The following RALY variants were observed in gnomAD, a reference collection of about 807,000 sequenced individuals.
RALY encodes RNA-binding protein Raly.
RALY carries 15 observed loss-of-function variants against 30.7 expected under a neutral mutation model. That is an observed-to-expected ratio of 0.49 (90% CI 0.33 to 0.75). The LOEUF (loss-of-function observed/expected upper bound fraction) is 0.75. Ranked by LOEUF, RALY falls within the 30% of genes least tolerant of loss-of-function variation. The pLI, the probability that RALY is intolerant of heterozygous loss-of-function variation, is 0.02. For synonymous variants in RALY, 177 were observed against 170.8 expected (o/e 1.04, Z -0.28); for missense variants, 339 against 414.3 (o/e 0.82, Z 1.58).
chr20:34,028,411 C>G (rs1250364024), intron 1 of RALY, among the ~76,000 whole-genome samples: 1 of 151,758 alleles, frequency 6.6e-6, no homozygotes, highest in African/African-American at 2.4e-5. Flanking sequence ...ATGGTGAGTG[C>G]AGAAATGAAT....
chr20:33,999,923 C>T (rs572292532), intron 1 of RALY, among the ~76,000 whole-genome samples: 1 of 152,202 alleles, frequency 6.6e-6, no homozygotes, highest in South Asian at 2.1e-4. Context: ...CTAGCAATTA[C>T]ATTTTATGAT....
In RALY at chr20:34,075,938, C is replaced by A. The variant is rs779219192; in HGVS notation, c.442C>A (p.Pro148Thr). ...PVPRAVPVKR[P>T]RVTVPLVRRV... is the part of the protein sequence containing the mutation. ...GCCCAGGGCGGTCCCTGTGAAGCGA[C>A]CCCGGGTCACAGTCCCTTTGGTCCG... The change falls in exon 6 of 10, where the codon CCC becomes ACC. Residue 148 changes from proline (P) to threonine (T), a missense_variant. Physicochemically the swap from Pro to Thr is conservative, Grantham distance 38. Coordinates refer to ENST00000246194, the MANE Select transcript of RALY (RefSeq NM_016732.3). The A allele has an allele frequency of 4.3e-6, 7 of 1,614,214 alleles. No homozygotes were observed. Among genetic ancestry groups the A allele is most frequent in the Non-Finnish European group, 5.1e-6 (6 of 1,180,026 alleles).
chr20:34,064,632 C>G (rs972229840), intron 2 of RALY, among the ~76,000 whole-genome samples: 1 of 152,152 alleles, frequency 6.6e-6, no homozygotes, highest in East Asian at 1.9e-4. Flanking sequence ...CTCCCTACCC[C>G]CAACTCCCTT....
At chr20:34,047,717 T>C (rs1229886161) in intron 2 of RALY, among the ~76,000 whole-genome samples, 1 of 152,204 alleles carries the variant, frequency 6.6e-6, no homozygotes, top group African/African-American at 2.4e-5. Flanking sequence ...TAAAATGATG[T>C]GGTTGATATC....
In RALY at chr20:34,075,963, G is replaced by A. The variant is rs371484214; in HGVS notation, c.467G>A (p.Arg156Gln). The A allele has an allele frequency of 2.0e-5, 32 of 1,614,082 alleles. No individual in the cohort carries two copies. Among genetic ancestry groups the A allele is most frequent in the African/African-American group, 2.7e-5 (2 of 74,926 alleles). ...KRPRVTVPLV[R>Q]RVKTNVPVKL... Reference sequence around the variant, plus strand: ...CCCCGGGTCACAGTCCCTTTGGTCCGGCGTGTCAAAACTAACGTACCTGTC... The same window carrying A: ...CCCCGGGTCACAGTCCCTTTGGTCCAGCGTGTCAAAACTAACGTACCTGTC... The change falls in exon 6 of 10, where the codon CGG (arginine) becomes CAG (glutamine). Residue 156 changes from arginine to glutamine, a missense_variant. Coordinates refer to ENST00000246194, the MANE Select transcript of RALY (RefSeq NM_016732.3).
chr20:34,035,999 G>A (rs1339472086), intron 2 of RALY, among the ~76,000 whole-genome samples: 1 of 152,150 alleles, frequency 6.6e-6, no homozygotes, highest in Non-Finnish European at 1.5e-5. Context: ...GGCTACAGAT[G>A]GAGTAAACGA....
chr20:34,023,383 C>T (rs1198211899), intron 1 of RALY, among the ~76,000 whole-genome samples: 1 of 152,024 alleles, frequency 6.6e-6, no homozygotes, highest in Non-Finnish European at 1.5e-5. Context: ...ACCAAGGATA[C>T]CCAGTTTTGG....
intron 1 of RALY, among the ~76,000 whole-genome samples, chr20:34,026,212 A>G (rs2032027221): frequency 6.6e-6 from 1 of 151,880 alleles, no homozygotes; most frequent in African/African-American, 2.4e-5. Context: ...TAAGTGTTTC[A>G]CTTTACCTCC....
Position 34,072,088 on chromosome 20 carries a change from T to C in RALY, c.14T>C (p.Leu5Pro). The C allele has an allele frequency of 6.2e-7, 1 of 1,614,152 alleles. No homozygotes were observed. The highest frequency in any genetic ancestry group is 8.5e-7 in the Non-Finnish European group (1 of 1,179,994). Residue 5 changes from leucine (L) to proline (P), a missense_variant, in exon 3 of 10, where the codon CTT becomes CCT. Around this residue, in one of 2 missense-constraint regions of RALY, gnomAD observed 71 missense variants for 133.7 expected, o/e 0.53. Transcript: ENST00000246194. Reference sequence around the variant, plus strand: ...CAGGTGGGCACCATGTCCTTGAAGCTTCAGGCAAGCAATGTAACCAACAAG... The same window carrying C: ...CAGGTGGGCACCATGTCCTTGAAGCCTCAGGCAAGCAATGTAACCAACAAG... MSLKLQASNVTNKND... is the reference protein window; with the variant it reads MSLKPQASNVTNKND...
intron 6 of RALY, 88 bp from the exon 7 acceptor site, chr20:34,076,614 C>T (rs570875060): frequency 1.7e-6 from 2 of 1,181,170 alleles, no homozygotes; most frequent in African/African-American, 3.1e-5. Flanking sequence ...TAACTGCTTT[C>T]CTGGTTGAAA....
At chr20:34,075,155 C>A (rs141349483) in intron 5 of RALY, among the ~76,000 whole-genome samples, 10 of 152,168 alleles carry the variant, frequency 6.6e-5, no homozygotes, top group African/African-American at 2.2e-4. Flanking sequence ...AGCTGCCCAA[C>A]CTTGATACTC....
At chr20:33,999,218 T>C (rs1213323696) in intron 1 of RALY, among the ~76,000 whole-genome samples, 1 of 151,624 alleles carries the variant, frequency 6.6e-6, no homozygotes, top group Non-Finnish European at 1.5e-5. Context: ...CGGGATGACA[T>C]CTGGTTTCTA....
intron 2 of RALY, among the ~76,000 whole-genome samples, chr20:34,044,199 A>G (rs1275872298): frequency 6.6e-6 from 1 of 152,178 alleles, no homozygotes; most frequent in Non-Finnish European, 1.5e-5. Context: ...ACTCTGAAGG[A>G]CATAATATTG....
At chr20:33,994,586 G>A (rs1024353116) in intron 1 of RALY, among the ~76,000 whole-genome samples, 2 of 152,252 alleles carry the variant, frequency 1.3e-5, no homozygotes, top group African/African-American at 4.8e-5. Flanking sequence ...ACGGGCTCCC[G>A]GAGGCGCGCA....
Position 34,077,257 on chromosome 20 carries a change from G to C in RALY, c.876+12G>C, listed in dbSNP as rs1217156234. 6.2e-7 allele frequency: 1 copy of C among 1,613,496 alleles called. No individual in the cohort carries two copies. The highest frequency in any genetic ancestry group is 8.5e-7 in the Non-Finnish European group (1 of 1,179,728). Reference sequence around the variant, plus strand: ...GCGAGGAAGAGCTGGTGAGGGCCTGGCCAGGGGCACGACTGGGACTCGACT... The same window carrying C: ...GCGAGGAAGAGCTGGTGAGGGCCTGCCCAGGGGCACGACTGGGACTCGACT... On this transcript the variant is annotated intron_variant, in intron 8 of 9. Transcript: ENST00000246194.
intron 1 of RALY, among the ~76,000 whole-genome samples, chr20:34,020,803 G>A (rs1023476178): frequency 3.3e-5 from 5 of 152,256 alleles, no homozygotes; most frequent in Admixed American, 2.6e-4. Context: ...AGTTATGCAA[G>A]TTCTGTAAGA....
intron 2 of RALY, among the ~76,000 whole-genome samples, chr20:34,032,048 C>T (rs775018020): frequency 2.0e-5 from 3 of 152,192 alleles, no homozygotes; most frequent in African/African-American, 4.8e-5. Context: ...ATGCAACCTC[C>T]GCCTCCCGGG....
At chr20:34,078,432 G>A in intron 8 of RALY, 73 bp from the exon 9 acceptor site, 2 of 1,391,794 alleles carry the variant, frequency 1.4e-6, no homozygotes, top group Non-Finnish European at 1.9e-6. Context: ...AGTTTTTCTG[G>A]ACAAATGGCT....
At chr20:34,027,425 A>G (rs1366911119) in intron 1 of RALY, among the ~76,000 whole-genome samples, 1 of 152,232 alleles carries the variant, frequency 6.6e-6, no homozygotes, top group African/African-American at 2.4e-5. Context: ...GCATAGTAGC[A>G]GCCCATGTCT....
Sources: allele counts gnomAD v4.1 joint callset (sites outside exome capture counted in the v4.1 genomes callset), GRCh38; gene constraint gnomAD v4.1.1; regional missense constraint gnomAD v4.1.1; transcripts MANE v1.5; gene names NCBI Gene and HGNC (gene_info 2026-07-23, HGNC 2026-07-21).